The following RYR3 variants were observed in gnomAD, a reference collection of about 807,000 sequenced individuals.
RYR3 encodes the protein brain ryanodine receptor-calcium release channel.
RYR3 carries 207 observed loss-of-function variants against 584.3 expected under a neutral mutation model. That is an observed-to-expected ratio of 0.35 (90% CI 0.32 to 0.40). The LOEUF is 0.40. Among genes scored for constraint, RYR3 ranks in the 10% least tolerant of loss-of-function variants. RYR3 has a pLI of 1.00. For missense variants in RYR3, 5,616 were observed against 6,089.2 expected (o/e 0.92, Z 2.59); for synonymous variants, 2,416 against 2,248.5 (o/e 1.07, Z -2.11).
At chr15:33,424,238 C>G (rs1411570217) in intron 1 of RYR3, among the ~76,000 whole-genome samples, 5 of 152,206 alleles carry the variant, frequency 3.3e-5, no homozygotes, top group Non-Finnish European at 5.9e-5. Flanking sequence ...CAGTGAACAC[C>G]TGTTTCTTTA....
chr15:33,357,098 A>G (rs888823745), intron 1 of RYR3, among the ~76,000 whole-genome samples: 2 of 151,802 alleles, frequency 1.3e-5, no homozygotes, highest in African/African-American at 4.8e-5. Context: ...TTGCTTTCCT[A>G]CCACGTGGCC....
intron 33 of RYR3, 150 bp from the exon 34 acceptor site, chr15:33,660,047 G>C: frequency 4.6e-6 from 3 of 649,738 alleles, no homozygotes; most frequent in Non-Finnish European, 8.1e-6. Flanking sequence ...CCCATTATTT[G>C]AAATGCTAAT....
intron 94 of RYR3, among the ~76,000 whole-genome samples, chr15:33,848,776 C>T (rs2078887932): frequency 6.6e-6 from 1 of 150,750 alleles, no homozygotes. Flanking sequence ...TCAGCTTTTC[C>T]ATAGCCTTCC....
At chr15:33,518,631 G>A (rs1395376469) in intron 3 of RYR3, among the ~76,000 whole-genome samples, 1 of 152,186 alleles carries the variant, frequency 6.6e-6, no homozygotes, top group Non-Finnish European at 1.5e-5. Context: ...CGCACAATGG[G>A]AGAAAATAGA....
chr15:33,620,884 C>A (rs1347038197), intron 19 of RYR3, among the ~76,000 whole-genome samples: 1 of 152,198 alleles, frequency 6.6e-6, no homozygotes. Context: ...CTGAAGCAAT[C>A]CAGGACCTTT....
intron 1 of RYR3, among the ~76,000 whole-genome samples, chr15:33,383,134 A>C (rs946382807): frequency 6.6e-6 from 1 of 151,738 alleles, no homozygotes; most frequent in Non-Finnish European, 1.5e-5. Context: ...AGACTGTTGC[A>C]GGGATCCCAG....
At chr15:33,707,080 C>T (rs61564527) in intron 43 of RYR3, 26 bp downstream of exon 43, 65,023 of 1,612,842 alleles carry the variant, frequency 0.04, 6,423 homozygotes, top group African/African-American at 0.38. Context: ...TTCCATACCT[C>T]TTATACCCAG....
intron 18 of RYR3, among the ~76,000 whole-genome samples, chr15:33,606,421 G>A (rs992328133): frequency 3.9e-5 from 6 of 152,172 alleles, no homozygotes; most frequent in African/African-American, 1.4e-4. Flanking sequence ...ATATCTAAGG[G>A]AATAAAGAAC....
intron 3 of RYR3, among the ~76,000 whole-genome samples, chr15:33,510,150 G>A (rs781594520): frequency 7.2e-5 from 11 of 152,306 alleles, no homozygotes; most frequent in Admixed American, 3.3e-4. Flanking sequence ...TTTTACAGAT[G>A]TACTCCTGGC....
At chr15:33,528,411 G>A (rs2054576988) in intron 3 of RYR3, among the ~76,000 whole-genome samples, 1 of 152,178 alleles carries the variant, frequency 6.6e-6, no homozygotes, top group African/African-American at 2.4e-5. Flanking sequence ...CTATGGAGGT[G>A]TGTCAACAGT....
chr15:33,488,780 G>A (rs890850949), intron 2 of RYR3, among the ~76,000 whole-genome samples: 2 of 152,140 alleles, frequency 1.3e-5, no homozygotes, highest in Non-Finnish European at 2.9e-5. Flanking sequence ...GAACCCAGGA[G>A]GCGGGGGTTG....
intron 17 of RYR3, among the ~76,000 whole-genome samples, 162 bp from the exon 18 acceptor site, chr15:33,602,961 T>C (rs1395733268): frequency 6.6e-6 from 1 of 152,082 alleles, no homozygotes; most frequent in Non-Finnish European, 1.5e-5. Flanking sequence ...GATCCCAGAC[T>C]CCTGGCTTTT....
chr15:33,351,943 T>A (rs143772199), intron 1 of RYR3, among the ~76,000 whole-genome samples: 3,257 of 152,044 alleles, frequency 0.021, 46 homozygotes, highest in Non-Finnish European at 0.033. Context: ...TAAAGGGTAT[T>A]CAATTAGGAA....
chr15:33,575,324 TTCTTCTCA>T (rs2058242111), intron 12 of RYR3, among the ~76,000 whole-genome samples: 1 of 152,216 alleles, frequency 6.6e-6, no homozygotes, highest in Non-Finnish European at 1.5e-5. Context: ...AGAATATACA[TTCTTCTCA>T]GTGCCACATG....
intron 1 of RYR3, among the ~76,000 whole-genome samples, chr15:33,370,630 G>A (rs2040265731): frequency 6.6e-6 from 1 of 152,118 alleles, no homozygotes; most frequent in Admixed American, 6.5e-5. Context: ...TTATAGCTAG[G>A]CATTTTAAGA....
chr15:33,535,161 A>G (rs1169092293), intron 5 of RYR3, among the ~76,000 whole-genome samples: 1 of 152,258 alleles, frequency 6.6e-6, no homozygotes, highest in East Asian at 1.9e-4. Flanking sequence ...AATGTTGGGT[A>G]GCCAAAGAAA....
At chr15:33,696,120 C>A in intron 38 of RYR3, 98 bp from the exon 39 acceptor site, 1 of 1,197,350 alleles carries the variant, frequency 8.4e-7, no homozygotes, top group Non-Finnish European at 1.2e-6. Context: ...GTAACCTCAA[C>A]CAATGATGTG....
At chr15:33,324,579 T>C (rs370477971) in intron 1 of RYR3, among the ~76,000 whole-genome samples, 37 of 152,320 alleles carry the variant, frequency 2.4e-4, no homozygotes, top group African/African-American at 8.9e-4. Context: ...TGACACTGAT[T>C]TATCCTGTTT....
intron 2 of RYR3, among the ~76,000 whole-genome samples, chr15:33,475,150 C>T (rs941892999): frequency 5.3e-5 from 8 of 152,138 alleles, no homozygotes; most frequent in African/African-American, 1.7e-4. Context: ...CCATGAGCTA[C>T]TCATGTGACC....
Sources: allele counts gnomAD v4.1 joint callset (sites outside exome capture counted in the v4.1 genomes callset), GRCh38; gene constraint gnomAD v4.1.1; transcripts MANE v1.5; gene names NCBI Gene and HGNC (gene_info 2026-07-23, HGNC 2026-07-21).